IFT74: variants seen among roughly 807,000 people sequenced by gnomAD.
The protein encoded by IFT74 is intraflagellar transport 74.
In IFT74, 92 loss-of-function variants were observed where a neutral mutation model predicts 96.7. That is an observed-to-expected ratio of 0.95 (90% confidence interval 0.80 to 1.13). IFT74 has a LOEUF of 1.13. Ranked by LOEUF, IFT74 falls within the 50% of genes most tolerant of loss-of-function variation. The pLI is 0.00. For missense variants in IFT74, 811 were observed against 698.2 expected, an observed-to-expected ratio of 1.16 and a Z score of -1.82; for synonymous variants, 223 against 213.2, an observed-to-expected ratio of 1.05 and a Z score of -0.40.
At chr9:27,034,000 C>T (rs543777589) in intron 13 of IFT74, among the ~76,000 whole-genome samples, 3 of 151,936 alleles carry the variant, frequency 2.0e-5, no homozygotes, top group Non-Finnish European at 1.5e-5. Flanking sequence ...GTAGTACCAC[C>T]GCGATCCACA....
At chr9:27,025,558 G>T (rs757205594) in intron 12 of IFT74, among the ~76,000 whole-genome samples, 6 of 151,090 alleles carry the variant, frequency 4.0e-5, no homozygotes, top group Non-Finnish European at 7.4e-5. Context: ...CTAAAGTCAA[G>T]ACAGAGGAAA....
chr9:26,968,862 C>G lies in IFT74; in HGVS notation c.120+6775C>G, dbSNP rs111374502. Among the ~76,000 whole-genome samples, 1,271 of 150,696 alleles carry G rather than the reference C, an allele frequency of 8.4e-3. 19 individuals carry two copies. Among genetic ancestry groups the G allele is most frequent in the African/African-American group, 0.03 (1,216 of 40,890 alleles). ...TGATTTTGTTTATCTTTTCAAAACA[C>G]CAACTTTGTGTTTCATTAATCTTTT... is the stretch of plus-strand genomic sequence containing the variant. On this transcript the variant is annotated intron_variant, in intron 2 of 19. Coordinates refer to ENST00000380062, the MANE Select transcript of IFT74 (RefSeq NM_025103.4).
intron 2 of IFT74, among the ~76,000 whole-genome samples, 172 bp from the exon 3 acceptor site, chr9:26,977,956 G>T (rs1827196949): frequency 6.6e-6 from 1 of 152,096 alleles, no homozygotes; most frequent in Admixed American, 6.5e-5. Context: ...AAAGAAATAT[G>T]TTAATAAATT....
intron 18 of IFT74, 145 bp downstream of exon 18, chr9:27,056,604 C>G (rs1820170673): frequency 3.2e-6 from 2 of 626,504 alleles, no homozygotes; most frequent in African/African-American, 3.8e-5. Flanking sequence ...AGTCTTCATT[C>G]AGAATGAATG....
intron 13 of IFT74, among the ~76,000 whole-genome samples, chr9:27,040,531 C>T (rs533820914): frequency 1.8e-5 from 2 of 113,454 alleles, no homozygotes; most frequent in African/African-American, 7.7e-5. Context: ...GGCAACAGAA[C>T]GAGACACTGT....
At chr9:26,998,438 T>A (rs1828290048) in intron 8 of IFT74, among the ~76,000 whole-genome samples, 1 of 152,200 alleles carries the variant, frequency 6.6e-6, no homozygotes, top group Non-Finnish European at 1.5e-5. Flanking sequence ...GATATTCTGA[T>A]ACATACAATT....
chr9:27,060,374 AATAAAT>A (rs1243306771), intron 18 of IFT74, among the ~76,000 whole-genome samples: 1 of 151,890 alleles, frequency 6.6e-6, no homozygotes, highest in Non-Finnish European at 1.5e-5. Flanking sequence ...ATATAATTAA[AATAAAT>A]ATATAGAGTA....
intron 2 of IFT74, among the ~76,000 whole-genome samples, chr9:26,965,048 C>T (rs1189011792): frequency 6.6e-6 from 1 of 152,096 alleles, no homozygotes; most frequent in Non-Finnish European, 1.5e-5. Flanking sequence ...AGACTTACAA[C>T]AGGTGAATCT....
chr9:26,967,313 C>T (rs1339912897), intron 2 of IFT74, among the ~76,000 whole-genome samples: 3 of 151,936 alleles, frequency 2.0e-5, no homozygotes, highest in Admixed American at 6.6e-5. Context: ...AGATCTTTCA[C>T]TTCTTGGGTT....
chr9:27,013,086 A>G (rs1829184202), intron 10 of IFT74, among the ~76,000 whole-genome samples: 1 of 152,148 alleles, frequency 6.6e-6, no homozygotes, highest in African/African-American at 2.4e-5. Flanking sequence ...TGCTTACTGT[A>G]TGCTTTTTTG....
chr9:27,035,969 T>C (rs1486971850), intron 13 of IFT74, among the ~76,000 whole-genome samples: 1 of 152,224 alleles, frequency 6.6e-6, no homozygotes, highest in African/African-American at 2.4e-5. Context: ...AAAACTTAAT[T>C]ATCAAAGGTC....
intron 2 of IFT74, among the ~76,000 whole-genome samples, chr9:26,966,858 G>A (rs1204315564): frequency 6.6e-6 from 1 of 151,930 alleles, no homozygotes; most frequent in Non-Finnish European, 1.5e-5. Flanking sequence ...TGAGAGATAT[G>A]GGTCTAGTTT....
chr9:27,022,635 G>A (rs1167898766), intron 12 of IFT74, among the ~76,000 whole-genome samples: 2 of 147,506 alleles, frequency 1.4e-5, no homozygotes, highest in South Asian at 2.2e-4. Flanking sequence ...AAGGAGTTGA[G>A]TTCTTGATTT....
chr9:26,997,812 T>TTAA, intron 8 of IFT74: 1 of 1,614,184 alleles, frequency 6.2e-7, no homozygotes, highest in Non-Finnish European at 8.5e-7. Context: ...TATAAAGTTA[T>TTAA]TAATTCCAGA....
At chr9:26,982,242 C>A in intron 4 of IFT74, 6 of 312,794 alleles carry the variant, frequency 1.9e-5, no homozygotes, top group East Asian at 1.1e-4. Context: ...CCAATGTGGC[C>A]TAATTTTAAT....
At chr9:27,027,947 C>G (rs1385508775) in intron 12 of IFT74, among the ~76,000 whole-genome samples, 6 of 152,174 alleles carry the variant, frequency 3.9e-5, no homozygotes, top group Admixed American at 3.9e-4. Flanking sequence ...TTAGTTCTTA[C>G]ATTGAGATCT....
chr9:27,005,448 G>C (rs539183204), intron 8 of IFT74: 2 of 131,822 alleles, frequency 1.5e-5, no homozygotes, highest in East Asian at 4.5e-4. Flanking sequence ...TAGTATTTTT[G>C]AGGTAGACCA....
intron 14 of IFT74, among the ~76,000 whole-genome samples, chr9:27,045,343 C>T (rs1219575423): frequency 6.6e-6 from 1 of 152,192 alleles, no homozygotes; most frequent in Admixed American, 6.5e-5. Context: ...GAAAAATTGT[C>T]TTCCATGGTC....
At chr9:26,948,448 ATT>A (rs71841244) in intron 1 of IFT74, among the ~76,000 whole-genome samples, 161 of 59,082 alleles carry the variant, frequency 2.7e-3, no homozygotes, top group Non-Finnish European at 4.1e-3. Context: ...GCTTTCCATT[ATT>A]TTTTTTTTTT....
Sources: allele counts gnomAD v4.1 joint callset (sites outside exome capture counted in the v4.1 genomes callset), GRCh38; gene constraint gnomAD v4.1.1; transcripts MANE v1.5; gene names NCBI Gene and HGNC (gene_info 2026-07-23, HGNC 2026-07-21).